FAM135B: variants seen among roughly 807,000 people sequenced by gnomAD.
FAM135B encodes protein FAM135B.
In FAM135B, 43 loss-of-function variants were observed where a neutral mutation model predicts 127.7. The observed-to-expected ratio is 0.34, with a 90% confidence interval of 0.26 to 0.43. The LOEUF is 0.43. Ranked by LOEUF, FAM135B falls within the 20% of genes least tolerant of loss-of-function variation. The pLI, the probability that FAM135B is intolerant of heterozygous loss-of-function variation, is 1.00. For synonymous variants in FAM135B, 670 were observed against 665.1 expected, an observed-to-expected ratio of 1.01 and a Z score of -0.11; for missense variants, 1,558 against 1,725.6, an observed-to-expected ratio of 0.90 and a Z score of 1.72.
At chr8:138,453,648 C>T (rs1344170227) in intron 1 of FAM135B, among the ~76,000 whole-genome samples, 1 of 152,152 alleles carries the variant, frequency 6.6e-6, no homozygotes, top group African/African-American at 2.4e-5. Flanking sequence ...GAGTCCAGGT[C>T]ACTCCATAGA....
At chr8:138,308,317 A>C (rs1227273076) in intron 3 of FAM135B, among the ~76,000 whole-genome samples, 1 of 152,224 alleles carries the variant, frequency 6.6e-6, no homozygotes, top group African/African-American at 2.4e-5. Flanking sequence ...AGCTGAAGGT[A>C]GTGCATAAAT....
intron 7 of FAM135B, among the ~76,000 whole-genome samples, chr8:138,234,898 C>G (rs1820154867): frequency 6.6e-6 from 1 of 152,194 alleles, no homozygotes; most frequent in South Asian, 2.1e-4. Flanking sequence ...TAATTGCTCT[C>G]AGAGCTGAAT....
At chr8:138,441,305 A>G (rs943870003) in intron 1 of FAM135B, 4 of 152,234 alleles carry the variant, frequency 2.6e-5, no homozygotes, top group African/African-American at 9.6e-5. Context: ...GTCACAGGGA[A>G]GATAAGGCTG....
At chr8:138,277,329 T>C (rs1877449) in intron 3 of FAM135B, among the ~76,000 whole-genome samples, 147,481 of 152,232 alleles carry the variant, frequency 0.97, 71,587 homozygotes, top group East Asian at 1. Context: ...AGGGAGAGGT[T>C]CCCTCTCTCC....
At chr8:138,302,564 TG>T (rs1479736223) in intron 3 of FAM135B, among the ~76,000 whole-genome samples, 3 of 36,620 alleles carry the variant, frequency 8.2e-5, no homozygotes, top group African/African-American at 3.6e-4. Context: ...AAAGATCTGC[TG>T]GGGGGACCCT....
intron 7 of FAM135B, among the ~76,000 whole-genome samples, chr8:138,240,429 A>G (rs1820662736): frequency 6.6e-6 from 1 of 152,232 alleles, no homozygotes; most frequent in South Asian, 2.1e-4. Context: ...CTCACTCCAC[A>G]GCTGCCTCCC....
intron 12 of FAM135B, among the ~76,000 whole-genome samples, chr8:138,154,455 C>T (rs911005079): frequency 3.3e-5 from 5 of 152,060 alleles, no homozygotes; most frequent in Admixed American, 1.3e-4. Flanking sequence ...GAGGAGTTGA[C>T]GGAAGTACGC....
chr8:138,387,964 T>C (rs1183804950), intron 1 of FAM135B, among the ~76,000 whole-genome samples: 1 of 152,158 alleles, frequency 6.6e-6, no homozygotes. Flanking sequence ...AAAATTAAAG[T>C]TCTCCTAAGA....
intron 7 of FAM135B, among the ~76,000 whole-genome samples, chr8:138,224,993 C>T (rs1347402159): frequency 6.6e-6 from 1 of 151,976 alleles, no homozygotes; most frequent in Non-Finnish European, 1.5e-5. Context: ...TTTCAGTTAG[C>T]CTGAAGGAAT....
At chr8:138,194,572 C>A (rs1209725440) in intron 9 of FAM135B, among the ~76,000 whole-genome samples, 1 of 152,174 alleles carries the variant, frequency 6.6e-6, no homozygotes, top group Non-Finnish European at 1.5e-5. Context: ...TTGAGAAACA[C>A]TGGTTTAACA....
rs558005610 is a variant in FAM135B at position 138,335,428 on chromosome 8, G to C, written c.78-24508C>G. 3.9e-5 allele frequency among the ~76,000 whole-genome samples: 6 copies of C among 152,060 alleles called. No homozygotes were observed. In the East Asian group the frequency reaches 1.2e-3, roughly 29 times the overall value. ...ATACAAATTATCTACAAAGAAAATG[G>C]AAAACAAAAAAAGGCAGGGGTTGCA... On this transcript the variant is annotated intron_variant, in intron 2 of 19. Transcript: ENST00000395297.
intron 1 of FAM135B, among the ~76,000 whole-genome samples, chr8:138,413,096 T>C (rs1279258667): frequency 9.2e-5 from 14 of 152,208 alleles, no homozygotes; most frequent in Non-Finnish European, 1.9e-4. Context: ...CCTATATTTT[T>C]ATTTTGTTCT....
chr8:138,384,845 C>T (rs967901184), intron 1 of FAM135B, among the ~76,000 whole-genome samples: 4 of 152,096 alleles, frequency 2.6e-5, no homozygotes, highest in Non-Finnish European at 5.9e-5. Flanking sequence ...ATCTCTGCTA[C>T]TCTTCTTCCC....
chr8:138,331,970 G>C (rs10875426), intron 2 of FAM135B, among the ~76,000 whole-genome samples: 135,071 of 151,768 alleles, frequency 0.89, 61,455 homozygotes, highest in Non-Finnish European at 0.98. Context: ...AGGCAAGTCA[G>C]TTAATGTCTC....
chr8:138,369,524 A>G (rs1250987036), intron 1 of FAM135B, among the ~76,000 whole-genome samples: 1 of 152,190 alleles, frequency 6.6e-6, no homozygotes, highest in East Asian at 1.9e-4. Context: ...ACCAAATTAA[A>G]ATCCTCAGAA....
Position 138,298,998 on chromosome 8 carries a change from T to C in FAM135B, c.157+11843A>G, listed in dbSNP as rs1259203665. On this transcript the variant is annotated intron_variant, in intron 3 of 19. Coordinates refer to ENST00000395297, the MANE Select transcript of FAM135B (RefSeq NM_015912.4). ...TCACTTGAACCCGGGATGCGGAGGT[T>C]GCAATGAGCCGAGATCGCGCCACCG... Among the ~76,000 whole-genome samples, 4 of 150,814 alleles carry C rather than the reference T, an allele frequency of 2.7e-5. No homozygotes were observed. The East Asian group carries it at 7.8e-4, about 30-fold the overall frequency.
intron 7 of FAM135B, among the ~76,000 whole-genome samples, chr8:138,208,589 C>T (rs1291889281): frequency 6.6e-6 from 1 of 152,192 alleles, no homozygotes; most frequent in African/African-American, 2.4e-5. Context: ...CCCACAAAAA[C>T]ATCAGCAGAT....
At chr8:138,184,894 A>T (rs1225915846) in intron 9 of FAM135B, among the ~76,000 whole-genome samples, 2 of 152,214 alleles carry the variant, frequency 1.3e-5, no homozygotes, top group Non-Finnish European at 2.9e-5. Context: ...CAGAATGCAC[A>T]TTTTAACAAG....
At position 138,177,464 on chromosome 8, in the gene FAM135B, T is replaced by C. The variant is rs1445061214; in HGVS notation, c.1030-44A>G. The C allele has an allele frequency of 4.0e-6, 6 of 1,504,038 alleles. No homozygotes were observed. In the African/African-American group the frequency reaches 5.6e-5, roughly 14 times the overall value. 93.2% of individuals were successfully genotyped at this position (1,504,038 alleles called of 1,614,324 possible). ...TAAACAGTTCAATTCTTTAGGTAGGTATTACCTGCACTTTCTTTTTTTTTA... is the reference window on the plus strand; with the variant it reads ...TAAACAGTTCAATTCTTTAGGTAGGCATTACCTGCACTTTCTTTTTTTTTA... On this transcript the variant is annotated intron_variant, in intron 10 of 19. Coordinates refer to ENST00000395297, the MANE Select transcript of FAM135B (RefSeq NM_015912.4).
Sources: gnomAD v4.1 joint callset for allele counts (sites outside exome capture counted in the v4.1 genomes callset) on GRCh38, gnomAD v4.1.1 for gene constraint, MANE v1.5 for transcripts, NCBI Gene and HGNC (gene_info 2026-07-23, HGNC 2026-07-21) for gene names.